Variants in ZNF385B observed in about 807,000 individuals in gnomAD.
ZNF385B encodes the protein zinc finger protein 385B.
In ZNF385B, 23 loss-of-function variants were observed where a neutral mutation model predicts 39.2. The observed-to-expected ratio is 0.59, with a 90% CI of 0.42 to 0.83. The LOEUF is 0.83. ZNF385B is among the 40% of genes least tolerant of loss of function. ZNF385B has a pLI of 0.00. For missense variants in ZNF385B, 552 were observed against 598.9 expected, an observed-to-expected ratio of 0.92 and a Z score of 0.82; for synonymous variants, 205 against 222.6, an observed-to-expected ratio of 0.92 and a Z score of 0.70.
rs117501090 is a variant in ZNF385B at position 179,560,419 on chromosome 2, G to A, written c.299-15450C>T. Among the ~76,000 whole-genome samples the A allele has an allele frequency of 2.6e-5, 4 of 152,258 alleles. No individual in the cohort carries two copies. In the East Asian group the frequency reaches 5.8e-4, roughly 22 times the overall value. ...GGAAAGTAAACAATTCACAAAAATG[G>A]ACCTAGTGCTCAATGTATTTAACTT... On this transcript the variant is annotated intron_variant, in intron 3 of 9. Transcript: ENST00000410066.
At chr2:179,488,603 A>G (rs779484961) in intron 5 of ZNF385B, among the ~76,000 whole-genome samples, 2 of 152,134 alleles carry the variant, frequency 1.3e-5, no homozygotes, top group African/African-American at 2.4e-5. Flanking sequence ...ACTTACCTAT[A>G]TATTTACCAA....
intron 1 of ZNF385B, among the ~76,000 whole-genome samples, chr2:179,783,820 A>G (rs909004413): frequency 6.6e-6 from 1 of 152,156 alleles, no homozygotes; most frequent in Admixed American, 6.6e-5. Context: ...GTCACAAAAT[A>G]ACAGATGCTG....
chr2:179,797,204 A>G (rs560068136), intron 1 of ZNF385B, among the ~76,000 whole-genome samples: 1 of 152,216 alleles, frequency 6.6e-6, no homozygotes, highest in African/African-American at 2.4e-5. Context: ...TAAAACCTAC[A>G]CAAAAGTAGT....
chr2:179,597,019 A>T (rs1259756884), intron 3 of ZNF385B, among the ~76,000 whole-genome samples: 3 of 152,174 alleles, frequency 2.0e-5, no homozygotes, highest in Non-Finnish European at 4.4e-5. Context: ...TGTAACAAGG[A>T]TCTATCTCCA....
At chr2:179,807,954 G>T (rs1706484437) in intron 1 of ZNF385B, among the ~76,000 whole-genome samples, 2 of 150,908 alleles carry the variant, frequency 1.3e-5, no homozygotes, top group South Asian at 2.1e-4. Flanking sequence ...AGGAAGGAAA[G>T]AATACAGCAG....
chr2:179,597,659 T>C (rs1688105607), intron 3 of ZNF385B, among the ~76,000 whole-genome samples: 1 of 152,216 alleles, frequency 6.6e-6, no homozygotes, highest in Admixed American at 6.5e-5. Flanking sequence ...GTCCTATTGA[T>C]ACAAGTTATA....
At chr2:179,664,415 T>C (rs1694890566) in intron 3 of ZNF385B, among the ~76,000 whole-genome samples, 1 of 152,178 alleles carries the variant, frequency 6.6e-6, no homozygotes, top group Admixed American at 6.5e-5. Flanking sequence ...GTTTTTCAAT[T>C]TTTCACAAGT....
chr2:179,857,473 ACT>A (rs1684694468), intron 1 of ZNF385B, among the ~76,000 whole-genome samples: 1 of 152,154 alleles, frequency 6.6e-6, no homozygotes, highest in African/African-American at 2.4e-5. Context: ...AATTGCACTG[ACT>A]CTCTCGACAA....
intron 4 of ZNF385B, 88 bp from the exon 5 acceptor site, chr2:179,518,726 A>G (rs1322669363): frequency 1.3e-6 from 1 of 755,224 alleles, no homozygotes; most frequent in Non-Finnish European, 2.1e-6. Flanking sequence ...AATATTCCAT[A>G]AAGTTTAAAC....
intron 3 of ZNF385B, among the ~76,000 whole-genome samples, chr2:179,569,185 C>T (rs540098251): frequency 1.3e-5 from 2 of 152,144 alleles, no homozygotes; most frequent in Non-Finnish European, 2.9e-5. Flanking sequence ...GGTTCAAACA[C>T]ACGTAGTTTG....
intron 4 of ZNF385B, 46 bp from the exon 5 acceptor site, chr2:179,518,684 A>G: frequency 8.0e-7 from 1 of 1,251,988 alleles, no homozygotes; most frequent in Non-Finnish European, 1.1e-6. Flanking sequence ...TTCAAAGAAA[A>G]GACAACAGTG....
At chr2:179,750,680 T>C (rs1702618822) in intron 3 of ZNF385B, among the ~76,000 whole-genome samples, 1 of 152,258 alleles carries the variant, frequency 6.6e-6, no homozygotes, top group South Asian at 2.1e-4. Flanking sequence ...ATGGATTGTA[T>C]AATAATTATT....
At chr2:179,568,406 A>G (rs945348178) in intron 3 of ZNF385B, among the ~76,000 whole-genome samples, 1 of 152,228 alleles carries the variant, frequency 6.6e-6, no homozygotes, top group Non-Finnish European at 1.5e-5. Context: ...CTATATTCCC[A>G]GTTTCTAGAG....
At chr2:179,580,810 T>C (rs746384874) in intron 3 of ZNF385B, among the ~76,000 whole-genome samples, 10 of 152,194 alleles carry the variant, frequency 6.6e-5, no homozygotes, top group Non-Finnish European at 1.3e-4. Context: ...AGCAAACTAA[T>C]ATAGCTGGTA....
At chr2:179,683,713 T>C (rs1575221063) in intron 3 of ZNF385B, among the ~76,000 whole-genome samples, 1 of 152,104 alleles carries the variant, frequency 6.6e-6, no homozygotes, top group Admixed American at 6.5e-5. Context: ...TGACATCAGG[T>C]GATCCACCCG....
chr2:179,599,761 C>G (rs985681981), intron 3 of ZNF385B, among the ~76,000 whole-genome samples: 1 of 152,148 alleles, frequency 6.6e-6, no homozygotes, highest in African/African-American at 2.4e-5. Flanking sequence ...GAGAACCAAG[C>G]AGTCTCTTGA....
intron 3 of ZNF385B, among the ~76,000 whole-genome samples, chr2:179,601,932 G>A (rs1533386): frequency 0.15 from 23,539 of 151,890 alleles, 2,150 homozygotes; most frequent in East Asian, 0.23. Flanking sequence ...AGCTCTCAGA[G>A]TCAACAAGAA....
chr2:179,680,171 A>C (rs763548098), intron 3 of ZNF385B, among the ~76,000 whole-genome samples: 1 of 152,214 alleles, frequency 6.6e-6, no homozygotes, highest in Non-Finnish European at 1.5e-5. Flanking sequence ...TCATGTGATC[A>C]TCTCAAGAAA....
intron 6 of ZNF385B, among the ~76,000 whole-genome samples, chr2:179,467,024 AT>A (rs2052124038): frequency 6.6e-6 from 1 of 150,646 alleles, no homozygotes; most frequent in Admixed American, 6.6e-5. Context: ...GTCCTGTGGC[AT>A]TATTTAATTT....
Sources: gnomAD v4.1 joint callset for allele counts (sites outside exome capture counted in the v4.1 genomes callset) on GRCh38, gnomAD v4.1.1 for gene constraint, MANE v1.5 for transcripts, NCBI Gene and HGNC (gene_info 2026-07-23, HGNC 2026-07-21) for gene names.